PCDH11X: variants seen among roughly 807,000 people sequenced by gnomAD.
The protein encoded by PCDH11X is protocadherin 11 X-linked, also known as protocadherin-11 X-linked.
In PCDH11X, 18 loss-of-function variants were observed where a neutral mutation model predicts 53.3. The observed-to-expected ratio is 0.34, with a 90% CI of 0.23 to 0.50. The LOEUF (loss-of-function observed/expected upper bound fraction) is 0.50. Ranked by LOEUF, PCDH11X falls within the 20% of genes least tolerant of loss-of-function variation. PCDH11X has a pLI of 0.98. For synonymous variants in PCDH11X, 279 were observed against 393.3 expected (o/e 0.71, Z 3.44); for missense variants, 570 against 1,032.4 (o/e 0.55, Z 6.14).
chrX:92,286,769 T>G (rs943594085), intron 8 of PCDH11X, among the ~76,000 whole-genome samples: 1 of 87,989 alleles, frequency 1.1e-5, no homozygotes, highest in Non-Finnish European at 2.2e-5. Flanking sequence ...GGAATAGAAT[T>G]ATATAGCAAG....
At chrX:91,964,739 A>G (rs1197746517) in intron 6 of PCDH11X, among the ~76,000 whole-genome samples, 1 of 112,205 alleles carries the variant, frequency 8.9e-6, no homozygotes, top group Non-Finnish European at 1.9e-5. Flanking sequence ...TAGAGAGCTG[A>G]CAGGTTGTAC....
chrX:92,373,547 T>A (rs1224661543), intron 8 of PCDH11X, among the ~76,000 whole-genome samples: 2 of 111,148 alleles, frequency 1.8e-5, no homozygotes, highest in African/African-American at 6.6e-5. Flanking sequence ...CCAAAGAGCA[T>A]ATTCTGGAAT....
In PCDH11X at chrX:92,620,953, A is replaced by C. The variant is rs1300748423; in HGVS notation, c.*2013A>C. On this transcript the variant is annotated 3_prime_UTR_variant, in exon 11 of 11. Coordinates refer to ENST00000682573, the MANE Select transcript of PCDH11X (RefSeq NM_032968.5). ...TATTGTGGCTATTGTTGATGTTGAA[A>C]ATTTTAAACTTGGGGAAGATTAAGA... is the stretch of plus-strand genomic sequence containing the variant. The C allele has an allele frequency of 9.2e-6, 1 of 108,680 alleles. No individual in the cohort carries two copies. The highest frequency in any genetic ancestry group is 3.4e-5 in the African/African-American group (1 of 29,414). The allele number at this position is 108,680 out of a possible 1,213,427, so 9.0% of individuals were successfully genotyped here.
Position 91,819,633 on chromosome X carries a change from T to A in PCDH11X, c.-45+8338T>A, listed in dbSNP as rs746546582. Among the ~76,000 whole-genome samples, 16 of 109,740 alleles carry A rather than the reference T, an allele frequency of 1.5e-4. No individual in the cohort carries two copies. The South Asian group carries it at 5.7e-3, about 39-fold the overall frequency. ...CCCGAATCTCCAGCAAGCATTTCTT[T>A]TTTTTTTTCCTTTCTTTTTTTTATT... On this transcript the variant is annotated intron_variant, in intron 4 of 10. Coordinates refer to ENST00000682573, the MANE Select transcript of PCDH11X (RefSeq NM_032968.5).
chrX:92,349,293 AAAT>A (rs1226405869), intron 8 of PCDH11X, among the ~76,000 whole-genome samples: 1 of 67,501 alleles, frequency 1.5e-5, no homozygotes, highest in Non-Finnish European at 2.7e-5. Flanking sequence ...GCTTTTTATG[AAAT>A]AATAGCCATT....
rs1921918193 is a variant in PCDH11X at position 92,569,418 on chromosome X, C to A, written c.3368-48846C>A. On this transcript the variant is annotated intron_variant, in intron 10 of 10. Transcript: ENST00000682573. The stretch of plus-strand genomic sequence containing the variant: ...TCCTTTATTAAGGGCCACCTCAACA[C>A]ACTTGTGATTTATTTTGTTCATGGG... 2.8e-5 allele frequency among the ~76,000 whole-genome samples: 3 copies of A among 107,896 alleles called. No homozygotes were observed. The South Asian group carries it at 1.2e-3, about 45-fold the overall frequency. The allele number at this position is 107,896 out of a possible 115,157, so 93.7% of individuals were successfully genotyped here.
At chrX:92,245,135 T>C (rs996843962) in intron 7 of PCDH11X, among the ~76,000 whole-genome samples, 7 of 112,612 alleles carry the variant, frequency 6.2e-5, no homozygotes, top group Non-Finnish European at 1.1e-4. Context: ...TTTTAGATAC[T>C]TTAAGAGCTA....
At chrX:92,600,579 T>C (rs1926118626) in intron 10 of PCDH11X, among the ~76,000 whole-genome samples, 1 of 110,169 alleles carries the variant, frequency 9.1e-6, no homozygotes, top group South Asian at 3.9e-4. Context: ...CCAGGCAGAG[T>C]TGTGCTGCAG....
intron 6 of PCDH11X, among the ~76,000 whole-genome samples, chrX:91,984,610 C>T (rs1304509889): frequency 9.0e-6 from 1 of 110,780 alleles, no homozygotes; most frequent in East Asian, 2.9e-4. Flanking sequence ...GGGAGTATTA[C>T]CTTCTGGGGA....
chrX:92,067,556 G>A (rs2063630621), intron 6 of PCDH11X, among the ~76,000 whole-genome samples: 1 of 110,756 alleles, frequency 9.0e-6, no homozygotes, highest in African/African-American at 3.3e-5. Context: ...AATTCAGTTT[G>A]TAGTATTTTA....
chrX:92,310,054 G>A, intron 8 of PCDH11X, among the ~76,000 whole-genome samples: 1 of 111,620 alleles, frequency 9.0e-6, no homozygotes, highest in East Asian at 2.8e-4. Context: ...TTTCTTACTC[G>A]GGTTTTTTTG....
At chrX:92,489,056 T>C (rs980423332) in intron 10 of PCDH11X, among the ~76,000 whole-genome samples, 1 of 97,045 alleles carries the variant, frequency 1.0e-5, no homozygotes, top group African/African-American at 3.8e-5. Context: ...TTACCAAGCA[T>C]TTTAAAATAT....
chrX:92,493,699 T>G (rs1179951273), intron 10 of PCDH11X, among the ~76,000 whole-genome samples: 1 of 98,356 alleles, frequency 1.0e-5, no homozygotes, highest in African/African-American at 3.8e-5. Context: ...CAGGCTGGAG[T>G]GCAATGGCAT....
intron 6 of PCDH11X, among the ~76,000 whole-genome samples, chrX:91,928,939 A>G (rs1483933749): frequency 9.0e-6 from 1 of 110,985 alleles, no homozygotes; most frequent in Non-Finnish European, 1.9e-5. Flanking sequence ...TGTAGTGTGT[A>G]TATATAAACA....
intron 9 of PCDH11X, among the ~76,000 whole-genome samples, chrX:92,426,997 G>A (rs1473578552): frequency 2.7e-5 from 3 of 109,655 alleles, no homozygotes; most frequent in African/African-American, 6.6e-5. Flanking sequence ...TGCAGAAAAC[G>A]TTGCATTATC....
chrX:92,216,386 C>G (rs952747430), intron 7 of PCDH11X, among the ~76,000 whole-genome samples: 1 of 104,931 alleles, frequency 9.5e-6, no homozygotes, highest in East Asian at 3.1e-4. Context: ...AGCCAAGGCT[C>G]GAGAACTATG....
chrX:91,960,651 T>A (rs1380562771), intron 6 of PCDH11X, among the ~76,000 whole-genome samples: 1 of 111,416 alleles, frequency 9.0e-6, no homozygotes, highest in Non-Finnish European at 1.9e-5. Context: ...CTTGAACTCC[T>A]GATCTCAGGT....
At chrX:92,190,943 T>C (rs1286757083) in intron 6 of PCDH11X, among the ~76,000 whole-genome samples, 1 of 112,018 alleles carries the variant, frequency 8.9e-6, no homozygotes, top group East Asian at 2.8e-4. Context: ...GACGATTTTG[T>C]TATTTTTGAT....
chrX:92,082,591 A>G (rs911489631), intron 6 of PCDH11X, among the ~76,000 whole-genome samples: 6 of 108,208 alleles, frequency 5.5e-5, no homozygotes, highest in African/African-American at 2.0e-4. Context: ...CTTAAGGCAA[A>G]TGGGCAGATG....
Sources: gnomAD v4.1 joint callset for allele counts (sites outside exome capture counted in the v4.1 genomes callset) on GRCh38, gnomAD v4.1.1 for gene constraint, MANE v1.5 for transcripts, NCBI Gene and HGNC (gene_info 2026-07-23, HGNC 2026-07-21) for gene names.